Variants in TNC observed in about 807,000 individuals in gnomAD.
The protein encoded by TNC is tenascin C, also known as tenascin.
TNC carries 109 observed loss-of-function variants against 202.4 expected under a neutral mutation model. The observed-to-expected ratio is 0.54, with a 90% CI of 0.46 to 0.63. The LOEUF (loss-of-function observed/expected upper bound fraction) is 0.63, where lower values mean the gene tolerates loss of function less well. Ranked by LOEUF, TNC falls within the 30% of genes least tolerant of loss-of-function variation. The probability of loss-of-function intolerance (pLI) is 0.00; values close to 1 mark genes in which losing one functional copy is unlikely to be tolerated. For missense variants in TNC, 2,756 were observed against 2,833.3 expected (o/e 0.97, Z 0.62); for synonymous variants, 1,007 against 1,089.7 (o/e 0.92, Z 1.50).
At chr9:115,094,327 G>C (rs914700624) in intron 1 of TNC, among the ~76,000 whole-genome samples, 1 of 152,158 alleles carries the variant, frequency 6.6e-6, no homozygotes, top group Non-Finnish European at 1.5e-5. Context: ...CTAGATCAAA[G>C]AGGAGCTGCA....
chr9:115,049,130 T>G (rs1322303157), intron 15 of TNC, among the ~76,000 whole-genome samples: 1 of 152,066 alleles, frequency 6.6e-6, no homozygotes, highest in African/African-American at 2.4e-5. Context: ...AATGATAAGA[T>G]TTGCTAAATC....
At chr9:115,073,186 AT>A (rs796075611) in intron 10 of TNC, among the ~76,000 whole-genome samples, 14 of 152,372 alleles carry the variant, frequency 9.2e-5, no homozygotes, top group African/African-American at 2.6e-4. Flanking sequence ...AACAAAAAAA[AT>A]ATTATTACCA....
chr9:115,028,924 GAAAAAAAAAAAAAAAAAAAAAAAAAA>G (rs57737243), intron 25 of TNC, among the ~76,000 whole-genome samples: 3 of 63,944 alleles, frequency 4.7e-5, no homozygotes, highest in Admixed American at 2.6e-4. Flanking sequence ...CATTATCTCT[GAAAAAAAAAAAAAAAAAAAAAAAAAA>G]AAAAAAAAAA....
intron 9 of TNC, among the ~76,000 whole-genome samples, chr9:115,075,672 C>G (rs1439483731): frequency 2.0e-5 from 3 of 152,086 alleles, no homozygotes; most frequent in African/African-American, 7.2e-5. Context: ...GTAGTCCCAG[C>G]TACTCGGGAG....
intron 23 of TNC, among the ~76,000 whole-genome samples, chr9:115,030,687 G>C (rs766593646): frequency 2.4e-4 from 36 of 152,148 alleles, no homozygotes; most frequent in Non-Finnish European, 4.1e-4. Context: ...CCTAGTATAA[G>C]AGCATCTTTA....
At chr9:115,108,819 A>C (rs1022661449) in intron 1 of TNC, among the ~76,000 whole-genome samples, 2 of 152,178 alleles carry the variant, frequency 1.3e-5, no homozygotes, top group Non-Finnish European at 2.9e-5. Flanking sequence ...GAGCTGCCTT[A>C]TGTCTTCTGC....
At chr9:115,082,833 G>T (rs772953704) in intron 4 of TNC, 26 bp from the exon 5 acceptor site, 1 of 1,521,824 alleles carries the variant, frequency 6.6e-7, no homozygotes, top group African/African-American at 1.4e-5. Context: ...TAAATAGAAC[G>T]TAAGGATAGG....
intron 17 of TNC, among the ~76,000 whole-genome samples, chr9:115,045,398 G>T (rs1204912530): frequency 6.6e-6 from 1 of 152,028 alleles, no homozygotes; most frequent in African/African-American, 2.4e-5. Context: ...ACAGAGTCTT[G>T]CTCTGTCGTC....
In TNC at chr9:115,080,260, A is replaced by T. The variant is rs7874385; in HGVS notation, c.2404+1512T>A. ...AGCAGTGAAAAAAAAAGTTCAGTGC[A>T]CCTCCTCCATAGCAACTAAGCATTT... On this transcript the variant is annotated intron_variant, in intron 6 of 27. Transcript: ENST00000350763. Among the ~76,000 whole-genome samples the T allele has an allele frequency of 6.4e-3, 967 of 152,226 alleles. 10 individuals are homozygous for T. The highest frequency in any genetic ancestry group is 0.023 in the African/African-American group (938 of 41,532).
chr9:115,093,299 A>C (rs1391004064), intron 1 of TNC, among the ~76,000 whole-genome samples: 3 of 152,194 alleles, frequency 2.0e-5, no homozygotes, highest in Non-Finnish European at 4.4e-5. Context: ...TAATATCTGC[A>C]AAAACAAAAC....
At chr9:115,082,153 C>T (rs188708997) in intron 5 of TNC, among the ~76,000 whole-genome samples, 13 of 152,304 alleles carry the variant, frequency 8.5e-5, no homozygotes, top group Non-Finnish European at 1.3e-4. Flanking sequence ...CTTTGTCATG[C>T]AAGTCAAATG....
intron 3 of TNC, among the ~76,000 whole-genome samples, chr9:115,085,310 C>T (rs540593610): frequency 6.6e-6 from 1 of 152,272 alleles, no homozygotes; most frequent in Admixed American, 6.5e-5. Flanking sequence ...AAAGACAGGT[C>T]AATCTTGTAG....
At position 115,086,284 on chromosome 9, in the gene TNC, C is replaced by A; in HGVS notation, c.1447G>T (p.Gly483Cys). The A allele has an allele frequency of 6.2e-7, 1 of 1,614,246 alleles. No individual in the cohort carries two copies. Among genetic ancestry groups the A allele is most frequent in the Non-Finnish European group, 8.5e-7 (1 of 1,180,044 alleles). ...TAGCCGTCATCACAAACACACATGC[C>A]ATTCACACAGCGGCCGTGCTGGTGA... Reference protein sequence around the residue: ...DCHQHGRCVNGMCVCDDGYTG... With the variant: ...DCHQHGRCVNCMCVCDDGYTG... Residue 483 changes from glycine (G) to cysteine (C), a missense_variant, in exon 3 of 28, where the codon GGC (glycine) becomes TGC (cysteine). Transcript: ENST00000350763.
chr9:115,068,552 G>A (rs769404643), intron 10 of TNC, among the ~76,000 whole-genome samples: 35 of 152,182 alleles, frequency 2.3e-4, no homozygotes, highest in Non-Finnish European at 4.3e-4. Flanking sequence ...TCATCTCTCA[G>A]AGATAAGACA....
At chr9:115,075,945 T>G in intron 9 of TNC, 87 bp downstream of exon 9, 1 of 1,190,966 alleles carries the variant, frequency 8.4e-7, no homozygotes, top group African/African-American at 1.5e-5. Context: ...TTCTACTTTT[T>G]CTCTTTAAAT....
At chr9:115,105,631 A>C (rs944303407) in intron 1 of TNC, among the ~76,000 whole-genome samples, 13 of 152,146 alleles carry the variant, frequency 8.5e-5, no homozygotes, top group Admixed American at 1.3e-4. Context: ...GACAGGAAAA[A>C]CTGCAGAAAA....
intron 24 of TNC, 57 bp from the exon 25 acceptor site, chr9:115,029,513 C>T (rs923599655): frequency 1.6e-5 from 25 of 1,525,560 alleles, no homozygotes; most frequent in Non-Finnish European, 2.0e-5. Flanking sequence ...AAGAGGGCAT[C>T]GTTGTGAGAG....
At chr9:115,060,051 G>A in intron 13 of TNC, 49 bp from the exon 14 acceptor site, 2 of 1,522,154 alleles carry the variant, frequency 1.3e-6, no homozygotes, top group Non-Finnish European at 1.8e-6. Flanking sequence ...CCAAAAATGA[G>A]GAAACCAAAC....
In TNC at chr9:115,026,514, A is replaced by C. The variant is rs764670059; in HGVS notation, c.6331+20T>G. 1.2e-6 allele frequency: 2 copies of C among 1,612,132 alleles called. No individual in the cohort carries two copies. The highest frequency in any genetic ancestry group is 2.2e-5 in the South Asian group (2 of 91,030). On this transcript the variant is annotated intron_variant, in intron 26 of 27. Coordinates refer to ENST00000350763, the MANE Select transcript of TNC (RefSeq NM_002160.4). ...AGGTCTCCATGGCTTTGTAGGCTCTACGTGCAGCCACTACTGTACCTGCTG... is the reference window on the plus strand; with the variant it reads ...AGGTCTCCATGGCTTTGTAGGCTCTCCGTGCAGCCACTACTGTACCTGCTG...
Sources: gnomAD v4.1 joint callset for allele counts (sites outside exome capture counted in the v4.1 genomes callset) on GRCh38, gnomAD v4.1.1 for gene constraint, MANE v1.5 for transcripts, NCBI Gene and HGNC (gene_info 2026-07-23, HGNC 2026-07-21) for gene names.